NAALADL2: variants seen among roughly 807,000 people sequenced by gnomAD.
NAALADL2 encodes the protein N-acetylated alpha-linked acidic dipeptidase like 2.
In NAALADL2, 76 loss-of-function variants were observed where a neutral mutation model predicts 87.2. The observed-to-expected ratio is 0.87, with a 90% CI of 0.72 to 1.05. The LOEUF (loss-of-function observed/expected upper bound fraction) is 1.05. Ranked by LOEUF, NAALADL2 falls within the 50% of genes least tolerant of loss-of-function variation. NAALADL2 has a pLI of 0.00. For missense variants in NAALADL2, 1,089 were observed against 945.8 expected (o/e 1.15, Z -1.99); for synonymous variants, 354 against 331.0 (o/e 1.07, Z -0.75).
intron 9 of NAALADL2, among the ~76,000 whole-genome samples, chr3:175,492,983 G>A (rs1728311763): frequency 6.6e-6 from 1 of 151,886 alleles, no homozygotes; most frequent in Non-Finnish European, 1.5e-5. Flanking sequence ...TTTTTAAAGT[G>A]AAAAATTATG....
chr3:174,702,094 G>A (rs933614077), intron 2 of NAALADL2, among the ~76,000 whole-genome samples: 5 of 152,010 alleles, frequency 3.3e-5, no homozygotes, highest in Admixed American at 1.3e-4. Flanking sequence ...GGTATAGGCC[G>A]TCTTTTTAAT....
At chr3:175,422,598 AT>A (rs1260205211) in intron 5 of NAALADL2, among the ~76,000 whole-genome samples, 1 of 152,094 alleles carries the variant, frequency 6.6e-6, no homozygotes, top group African/African-American at 2.4e-5. Flanking sequence ...AAAATCTTTT[AT>A]TTGTTGAATA....
chr3:174,539,655 A>T (rs1722041242), intron 1 of NAALADL2, among the ~76,000 whole-genome samples: 1 of 152,162 alleles, frequency 6.6e-6, no homozygotes, highest in African/African-American at 2.4e-5. Flanking sequence ...GCCACATCAA[A>T]TTCTGAAAGG....
intron 5 of NAALADL2, chr3:175,369,621 G>C (rs1310579241): frequency 6.6e-6 from 1 of 152,290 alleles, no homozygotes; most frequent in African/African-American, 2.4e-5. Flanking sequence ...TAGGTAGCCT[G>C]TGTGTGTGTG....
intron 1 of NAALADL2, among the ~76,000 whole-genome samples, chr3:174,540,122 G>A (rs186191415): frequency 6.6e-6 from 1 of 151,950 alleles, no homozygotes; most frequent in Non-Finnish European, 1.5e-5. Context: ...AGTGGCAGAA[G>A]CAAGTAATAG....
intron 13 of NAALADL2, among the ~76,000 whole-genome samples, chr3:175,768,446 G>GT (rs965308683): frequency 3.9e-5 from 6 of 152,076 alleles, no homozygotes; most frequent in South Asian, 2.1e-4. Flanking sequence ...AGAAACATTA[G>GT]TTTTTTTTCT....
chr3:175,180,121 C>T (rs1256972025), intron 2 of NAALADL2, among the ~76,000 whole-genome samples: 1 of 151,804 alleles, frequency 6.6e-6, no homozygotes, highest in Non-Finnish European at 1.5e-5. Context: ...TTAGCCTGTA[C>T]TTTAACATGC....
intron 3 of NAALADL2, among the ~76,000 whole-genome samples, chr3:174,811,768 G>A (rs1000934706): frequency 6.6e-6 from 1 of 152,040 alleles, no homozygotes; most frequent in Non-Finnish European, 1.5e-5. Context: ...GGTGCAGAAT[G>A]GTATGGTTTG....
At position 174,840,205 on chromosome 3, in the gene NAALADL2, G is replaced by GTA. The variant is rs1164534058; in HGVS notation, c.-9+102470_-9+102471dup. Among the ~76,000 whole-genome samples, 261 of 150,926 alleles carry GTA rather than the reference G, an allele frequency of 1.7e-3. 1 individual carries two copies. Among genetic ancestry groups the GTA allele is most frequent in the African/African-American group, 5.4e-3 (224 of 41,190 alleles). On this transcript the variant is annotated intron_variant, in intron 3 of 3. Coordinates refer to the NAALADL2 transcript ENST00000434257. ...ATGATACATATAAATATGTGTGTGTGTATATATATATAGTCTCACTTATGC... is the reference window on the plus strand; with the variant it reads ...ATGATACATATAAATATGTGTGTGTGTATATATATATATAGTCTCACTTATGC...
At chr3:174,492,420 G>A (rs1021345709) in intron 1 of NAALADL2, among the ~76,000 whole-genome samples, 5 of 152,078 alleles carry the variant, frequency 3.3e-5, no homozygotes, top group African/African-American at 4.8e-5. Context: ...TGTTGTGATC[G>A]GTTTTTTCTA....
At chr3:174,696,885 C>G (rs1035068369) in intron 2 of NAALADL2, among the ~76,000 whole-genome samples, 1 of 151,916 alleles carries the variant, frequency 6.6e-6, no homozygotes, top group Non-Finnish European at 1.5e-5. Flanking sequence ...TAAAAATAGC[C>G]GTTCTTAGCA....
chr3:174,926,888 G>C (rs1398393392), intron 1 of NAALADL2, among the ~76,000 whole-genome samples: 12 of 152,012 alleles, frequency 7.9e-5, no homozygotes, highest in African/African-American at 2.9e-4. Flanking sequence ...GCTAAATGCT[G>C]CAATTAAAAG....
At chr3:175,474,744 T>C (rs1403676861) in intron 9 of NAALADL2, among the ~76,000 whole-genome samples, 1 of 151,932 alleles carries the variant, frequency 6.6e-6, no homozygotes, top group African/African-American at 2.4e-5. Context: ...TTTCCCTACC[T>C]CTTCAGTGCC....
chr3:174,999,654 T>C (rs2108755714), intron 1 of NAALADL2, among the ~76,000 whole-genome samples: 1 of 152,302 alleles, frequency 6.6e-6, no homozygotes, highest in South Asian at 2.1e-4. Context: ...CTAAATACAG[T>C]TGTAAGTCCT....
Position 174,999,228 on chromosome 3 carries a change from A to C in NAALADL2, c.44-97562A>C, listed in dbSNP as rs974175764. ...AATGTAAAGTATTTTTCCCCAGTCCATTGGTCTTGCATTATAAAAGTTTTC... is the reference window on the plus strand; with the variant it reads ...AATGTAAAGTATTTTTCCCCAGTCCCTTGGTCTTGCATTATAAAAGTTTTC... On this transcript the variant is annotated intron_variant, in intron 1 of 13. Coordinates refer to ENST00000454872, the MANE Select transcript of NAALADL2 (RefSeq NM_207015.3). 2.6e-5 allele frequency among the ~76,000 whole-genome samples: 4 copies of C among 152,118 alleles called. No homozygotes were observed. In the South Asian group the frequency reaches 8.3e-4, roughly 32 times the overall value.
At chr3:175,682,347 T>C (rs1476253598) in intron 11 of NAALADL2, among the ~76,000 whole-genome samples, 1 of 151,982 alleles carries the variant, frequency 6.6e-6, no homozygotes, top group African/African-American at 2.4e-5. Flanking sequence ...ACTTTAAAAC[T>C]TGGGAATAAA....
intron 4 of NAALADL2, among the ~76,000 whole-genome samples, chr3:175,303,802 GA>G (rs1233356972): frequency 6.6e-6 from 1 of 152,118 alleles, no homozygotes; most frequent in Non-Finnish European, 1.5e-5. Flanking sequence ...TTACAAGTCT[GA>G]AATGATGTGA....
chr3:175,527,673 C>G (rs1733595972), intron 9 of NAALADL2, among the ~76,000 whole-genome samples: 1 of 152,160 alleles, frequency 6.6e-6, no homozygotes, highest in Non-Finnish European at 1.5e-5. Context: ...ATGACTACTT[C>G]TCAGCTTCTT....
chr3:175,166,204 C>G (rs1224897884), intron 2 of NAALADL2, among the ~76,000 whole-genome samples: 1 of 152,088 alleles, frequency 6.6e-6, no homozygotes, highest in Non-Finnish European at 1.5e-5. Context: ...ATGACTTTCT[C>G]AGAGTTGTTC....
Sources: gnomAD v4.1 joint callset for allele counts (sites outside exome capture counted in the v4.1 genomes callset) on GRCh38, gnomAD v4.1.1 for gene constraint, MANE v1.5 for transcripts, NCBI Gene and HGNC (gene_info 2026-07-23, HGNC 2026-07-21) for gene names.